CEP97: variants seen among roughly 807,000 people sequenced by gnomAD.
CEP97 encodes the protein centrosomal protein 97.
A neutral mutation model predicts 73.1 loss-of-function variants in CEP97; 43 were observed. The observed-to-expected ratio is 0.59, with a 90% CI of 0.46 to 0.76. The LOEUF (loss-of-function observed/expected upper bound fraction) is 0.76, where lower values mean the gene tolerates loss of function less well. CEP97 is among the 30% of genes least tolerant of loss of function. The probability of loss-of-function intolerance (pLI) is 0.00; values close to 1 mark genes in which losing one functional copy is unlikely to be tolerated. For synonymous variants in CEP97, 337 were observed against 370.0 expected (o/e 0.91, Z 1.02); for missense variants, 939 against 1,014.0 (o/e 0.93, Z 1.00).
At chr3:101,761,407 T>C (rs1243460382) in intron 9 of CEP97, among the ~76,000 whole-genome samples, 1 of 152,134 alleles carries the variant, frequency 6.6e-6, no homozygotes, top group Admixed American at 6.5e-5. Context: ...AGAGCATCCA[T>C]GTGAATGTTG....
chr3:101,744,513 G>T (rs1938555732), intron 6 of CEP97, among the ~76,000 whole-genome samples: 1 of 151,650 alleles, frequency 6.6e-6, no homozygotes, highest in South Asian at 2.1e-4. Context: ...AACCCAGGAG[G>T]CGGAGGTTGC....
At chr3:101,732,174 G>A (rs1158670049) in intron 5 of CEP97, among the ~76,000 whole-genome samples, 2 of 152,146 alleles carry the variant, frequency 1.3e-5, no homozygotes, top group African/African-American at 2.4e-5. Flanking sequence ...ACTGGGAGGC[G>A]ATTGGTGGTA....
intron 3 of CEP97, among the ~76,000 whole-genome samples, chr3:101,728,512 C>A (rs1336947343): frequency 6.6e-6 from 1 of 152,130 alleles, no homozygotes; most frequent in South Asian, 2.1e-4. Context: ...TGTCCACCCA[C>A]CTCGGCCTCC....
intron 6 of CEP97, among the ~76,000 whole-genome samples, chr3:101,737,789 G>A (rs1220708745): frequency 6.6e-6 from 1 of 152,074 alleles, no homozygotes; most frequent in East Asian, 1.9e-4. Flanking sequence ...CAACTAACGA[G>A]TGAAATAACC....
intron 6 of CEP97, among the ~76,000 whole-genome samples, chr3:101,741,508 A>T (rs1371710618): frequency 2.0e-5 from 3 of 152,340 alleles, no homozygotes; most frequent in South Asian, 2.1e-4. Flanking sequence ...AAATTTTTGC[A>T]ATCTATCCAT....
At chr3:101,746,920 A>G (rs552138153) in intron 6 of CEP97, among the ~76,000 whole-genome samples, 1 of 148,762 alleles carries the variant, frequency 6.7e-6, no homozygotes, top group Non-Finnish European at 1.5e-5. Context: ...CAAAAAACAC[A>G]TGAAAAAATG....
At chr3:101,739,489 C>T (rs1186519941) in intron 6 of CEP97, among the ~76,000 whole-genome samples, 5 of 152,208 alleles carry the variant, frequency 3.3e-5, no homozygotes, top group Non-Finnish European at 5.9e-5. Context: ...AAATCGGCTT[C>T]ATCCCTGGGA....
chr3:101,760,156 T>C (rs770107683), intron 9 of CEP97, among the ~76,000 whole-genome samples: 1 of 151,586 alleles, frequency 6.6e-6, no homozygotes, highest in African/African-American at 2.4e-5. Context: ...GTGGTAGGTT[T>C]GATGGTGGGA....
intron 4 of CEP97, among the ~76,000 whole-genome samples, chr3:101,730,835 A>G (rs1329586961): frequency 6.6e-6 from 1 of 152,106 alleles, no homozygotes; most frequent in Non-Finnish European, 1.5e-5. Flanking sequence ...ATCTTAGTTC[A>G]CTTTTTCCCA....
rs1005133119 is a variant in CEP97, at chr3:101,769,091, T to C, written c.*3540T>C. On this transcript the variant is annotated 3_prime_UTR_variant, in exon 11 of 11. Transcript: ENST00000341893. The stretch of plus-strand genomic sequence containing the variant: ...ACCATAATACTGTATTTTCCTGTTA[T>C]CTACTTAAGTCTAGTTCTACTTTTT... 2 of 152,196 alleles carry C rather than the reference T, an allele frequency of 1.3e-5. No homozygotes were observed. The highest frequency in any genetic ancestry group is 2.4e-5 in the African/African-American group (1 of 41,434). The allele number at this position is 152,196 out of a possible 1,614,324, so 9.4% of individuals were successfully genotyped here.
intron 9 of CEP97, chr3:101,758,749 A>T (rs1264123093): frequency 4.1e-6 from 1 of 243,428 alleles, no homozygotes; most frequent in Non-Finnish European, 8.0e-6. Flanking sequence ...TATAAAAATG[A>T]GAAGATGATG....
chr3:101,742,787 G>A (rs1397210658), intron 6 of CEP97, among the ~76,000 whole-genome samples: 1 of 150,334 alleles, frequency 6.7e-6, no homozygotes, highest in East Asian at 1.9e-4. Context: ...TAGCTCAATA[G>A]CAAATTTTTT....
chr3:101,732,204 A>C (rs1206986722), intron 5 of CEP97, among the ~76,000 whole-genome samples: 1 of 152,138 alleles, frequency 6.6e-6, no homozygotes, highest in Non-Finnish European at 1.5e-5. Flanking sequence ...CTACGTTATA[A>C]GGGTTTATAA....
At chr3:101,764,725 G>A in intron 10 of CEP97, 122 bp from the exon 11 acceptor site, 1 of 785,450 alleles carries the variant, frequency 1.3e-6, no homozygotes, top group Non-Finnish European at 2.0e-6. Context: ...TGATGCTGCA[G>A]TGAGCCATGA....
intron 6 of CEP97, among the ~76,000 whole-genome samples, chr3:101,753,336 G>T (rs923210068): frequency 5.3e-5 from 8 of 152,168 alleles, no homozygotes; most frequent in Admixed American, 2.0e-4. Flanking sequence ...GGCTGCTCAG[G>T]GGTCAGGGGT....
chr3:101,725,186 G>C (rs1178712721), intron 1 of CEP97, among the ~76,000 whole-genome samples: 1 of 152,186 alleles, frequency 6.6e-6, no homozygotes, highest in Non-Finnish European at 1.5e-5. Flanking sequence ...CTCGGAGGTG[G>C]CCAGTGGCCG....
chr3:101,752,453 T>C (rs968106182), intron 6 of CEP97, among the ~76,000 whole-genome samples: 7 of 152,224 alleles, frequency 4.6e-5, no homozygotes, highest in African/African-American at 1.4e-4. Context: ...CCTTGCTAGA[T>C]TGGGGAAGTT....
rs35988030 is a variant in CEP97, at chr3:101,731,192, CTT to C, written c.448-629_448-628del. Among the ~76,000 whole-genome samples, 405 of 123,230 alleles carry C rather than the reference CTT, an allele frequency of 3.3e-3. 1 individual carries two copies. The highest frequency in any genetic ancestry group is 4.6e-3 in the African/African-American group (149 of 32,526). 80.8% of individuals were successfully genotyped at this position (123,230 alleles called of 152,430 possible). ...GCTTTATATGTGGTTGTTTTAATGACTTTTTTTTTTTTTTTTTTTTAATTTGA... is the reference window on the plus strand; with the variant it reads ...GCTTTATATGTGGTTGTTTTAATGACTTTTTTTTTTTTTTTTTTAATTTGA... On this transcript the variant is annotated intron_variant, in intron 4 of 10. Transcript: ENST00000341893.
chr3:101,755,332 G>A (rs1038338072), intron 6 of CEP97, 98 bp from the exon 7 acceptor site: 5 of 995,308 alleles, frequency 5.0e-6, no homozygotes, highest in African/African-American at 1.6e-5. Flanking sequence ...ATACAATGGT[G>A]CTATAAAGGT....
Sources: allele counts gnomAD v4.1 joint callset (sites outside exome capture counted in the v4.1 genomes callset), GRCh38; gene constraint gnomAD v4.1.1; transcripts MANE v1.5; gene names NCBI Gene and HGNC (gene_info 2026-07-23, HGNC 2026-07-21).